Variants in HSF5 observed in about 807,000 individuals in gnomAD.
HSF5 encodes heat shock transcription factor 5.
In HSF5, 5 loss-of-function variants were observed where a neutral mutation model predicts 50.8. That is an observed-to-expected ratio of 0.10 (90% confidence interval 0.05 to 0.21). The LOEUF (loss-of-function observed/expected upper bound fraction) is 0.21, where lower values mean the gene tolerates loss of function less well. HSF5 is among the 10% of genes least tolerant of loss of function. HSF5 has a pLI of 1.00. For synonymous variants in HSF5, 307 were observed against 307.4 expected (o/e 1.00, Z 0.02); for missense variants, 564 against 762.6 (o/e 0.74, Z 3.07).
Position 58,487,975 on chromosome 17 carries a change from G to A in HSF5, c.300C>T (p.Gly100=), listed in dbSNP as rs1485424310. 2 of 1,610,988 alleles carry A rather than the reference G, an allele frequency of 1.2e-6. No homozygotes were observed. Among genetic ancestry groups the A allele is most frequent in the African/African-American group, 2.7e-5 (2 of 74,750 alleles). The change falls in exon 1 of 6, where the codon GGC becomes GGT. Residue 100 remains glycine, a synonymous_variant. Coordinates refer to ENST00000323777, the MANE Select transcript of HSF5 (RefSeq NM_001080439.3). The stretch of plus-strand genomic sequence containing the variant: ...GGAGCGGCCCATTGCCTGCCGGTTT[G>A]CCGCCCCCCGGCCCGCCCAGCACCA... ...RKVVLGGPGG[G]KPAGNGPLHH... is the part of the protein sequence containing the mutation.
At chr17:58,435,328 C>T (rs1974412995) in intron 5 of HSF5, among the ~76,000 whole-genome samples, 1 of 149,166 alleles carries the variant, frequency 6.7e-6, no homozygotes, top group South Asian at 2.2e-4. Context: ...GTGGGTAGAT[C>T]ACCTGAGGTC....
At position 58,487,989 on chromosome 17, in the gene HSF5, C is replaced by A; in HGVS notation, c.286G>T (p.Gly96Trp). 1 of 1,610,624 alleles carries A rather than the reference C, an allele frequency of 6.2e-7. No homozygotes were observed. The highest frequency in any genetic ancestry group is 1.1e-5 in the South Asian group (1 of 90,798). Residue 96 changes from glycine to tryptophan, a missense_variant, in exon 1 of 6, where the codon GGG becomes TGG. This residue lies in a region of HSF5 where 29 missense variants were observed against 24.7 expected (regional missense o/e 1.18). Transcript: ENST00000323777. Reference protein sequence around the residue: ...LYGFRKVVLGGPGGGKPAGNG... With the variant: ...LYGFRKVVLGWPGGGKPAGNG... ...CCTGCCGGTTTGCCGCCCCCCGGCC[C>A]GCCCAGCACCACCTTGCGGAAGCCG...
At chr17:58,441,857 T>C (rs892901877) in intron 5 of HSF5, among the ~76,000 whole-genome samples, 3 of 152,260 alleles carry the variant, frequency 2.0e-5, no homozygotes, top group Non-Finnish European at 2.9e-5. Context: ...ACAGCGACTG[T>C]TGTATGTTTC....
chr17:58,486,551 G>C (rs1483783913), intron 1 of HSF5, among the ~76,000 whole-genome samples: 3 of 152,166 alleles, frequency 2.0e-5, no homozygotes, highest in Non-Finnish European at 2.9e-5. Flanking sequence ...CTTGACAGCT[G>C]TAAAGAAAAC....
At chr17:58,464,595 C>T (rs1974836466) in intron 3 of HSF5, among the ~76,000 whole-genome samples, 1 of 152,140 alleles carries the variant, frequency 6.6e-6, no homozygotes, top group African/African-American at 2.4e-5. Flanking sequence ...GTGCTTATTG[C>T]TATTTTCCTA....
At chr17:58,483,398 T>C (rs1975126991) in intron 1 of HSF5, among the ~76,000 whole-genome samples, 1 of 152,198 alleles carries the variant, frequency 6.6e-6, no homozygotes, top group Admixed American at 6.5e-5. Flanking sequence ...CCCTTATTTA[T>C]TCTTCTGTTA....
chr17:58,453,139 A>C (rs1974663186), intron 5 of HSF5, among the ~76,000 whole-genome samples: 1 of 152,232 alleles, frequency 6.6e-6, no homozygotes, highest in Admixed American at 6.5e-5. Context: ...AGTTCTACTT[A>C]AACTATTCCA....
intron 4 of HSF5, among the ~76,000 whole-genome samples, chr17:58,462,127 C>A (rs182964024): frequency 2.6e-5 from 4 of 152,254 alleles, no homozygotes; most frequent in African/African-American, 9.6e-5. Flanking sequence ...AAAATGAGAA[C>A]GTGCTATTTG....
chr17:58,468,996 T>C (rs1486991559), intron 2 of HSF5, among the ~76,000 whole-genome samples: 1 of 152,034 alleles, frequency 6.6e-6, no homozygotes, highest in Non-Finnish European at 1.5e-5. Context: ...TTGAATTTGA[T>C]TTCCCAAAGT....
In HSF5 at chr17:58,458,895, C is replaced by A; in HGVS notation, c.1593G>T (p.Pro531=). The change falls in exon 5 of 6, where the codon CCG becomes CCT. Residue 531 remains proline, a synonymous_variant. Coordinates refer to ENST00000323777, the MANE Select transcript of HSF5 (RefSeq NM_001080439.3). ...CQTSSRENIL[P]SEQMGFLISE... Reference sequence around the variant, plus strand: ...AAATGAGGAATCCCATCTGTTCTGACGGCAAGATATTCTCACGTGAACTGG... The same window carrying A: ...AAATGAGGAATCCCATCTGTTCTGAAGGCAAGATATTCTCACGTGAACTGG... 6.2e-7 allele frequency: 1 copy of A among 1,614,088 alleles called. No homozygotes were observed. Among genetic ancestry groups the A allele is most frequent in the Non-Finnish European group, 8.5e-7 (1 of 1,179,998 alleles).
intron 5 of HSF5, among the ~76,000 whole-genome samples, chr17:58,447,561 G>C (rs1974576944): frequency 6.6e-6 from 1 of 152,118 alleles, no homozygotes; most frequent in Non-Finnish European, 1.5e-5. Context: ...GGAAAGAGAG[G>C]GAAGAGTGTA....
intron 5 of HSF5, among the ~76,000 whole-genome samples, chr17:58,451,901 G>GT (rs922112458): frequency 2.8e-5 from 4 of 140,686 alleles, no homozygotes; most frequent in African/African-American, 1.1e-4. Flanking sequence ...ACAAAGAGCT[G>GT]TTTTTTTGAA....
chr17:58,473,873 T>C (rs578065089), intron 2 of HSF5, among the ~76,000 whole-genome samples: 65 of 152,294 alleles, frequency 4.3e-4, no homozygotes, highest in African/African-American at 1.3e-3. Context: ...AACACAATTT[T>C]TTTTTTTTGA....
At chr17:58,445,941 G>C (rs1008041891) in intron 5 of HSF5, among the ~76,000 whole-genome samples, 1 of 152,036 alleles carries the variant, frequency 6.6e-6, no homozygotes, top group Non-Finnish European at 1.5e-5. Context: ...TTCGATACCA[G>C]CCTGCCCAAC....
chr17:58,437,575 A>G (rs950067904), intron 5 of HSF5, among the ~76,000 whole-genome samples: 3 of 152,318 alleles, frequency 2.0e-5, no homozygotes, highest in Non-Finnish European at 4.4e-5. Flanking sequence ...CTAGTGTTAT[A>G]TTTATCAGCT....
chr17:58,462,442 G>A (rs1028184311), intron 4 of HSF5, among the ~76,000 whole-genome samples: 10 of 152,156 alleles, frequency 6.6e-5, no homozygotes, highest in Admixed American at 2.0e-4. Context: ...AGAATTATCA[G>A]CCAGGCATAT....
At chr17:58,487,460 G>A (rs1975201084) in intron 1 of HSF5, among the ~76,000 whole-genome samples, 1 of 152,232 alleles carries the variant, frequency 6.6e-6, no homozygotes, top group African/African-American at 2.4e-5. Flanking sequence ...AAGAGGCGGA[G>A]GTCCCTTTTG....
At chr17:58,448,098 C>T (rs905697075) in intron 5 of HSF5, among the ~76,000 whole-genome samples, 1 of 133,674 alleles carries the variant, frequency 7.5e-6, no homozygotes, top group Non-Finnish European at 1.5e-5. Context: ...CAGGCCACTG[C>T]ACTCCAGCCT....
At chr17:58,422,903 C>T (rs913993107) in intron 5 of HSF5, among the ~76,000 whole-genome samples, 2 of 152,030 alleles carry the variant, frequency 1.3e-5, no homozygotes, top group Non-Finnish European at 2.9e-5. Context: ...AGCATGTTGG[C>T]CAGGCTGGTC....
Sources: gnomAD v4.1 joint callset for allele counts (sites outside exome capture counted in the v4.1 genomes callset) on GRCh38, gnomAD v4.1.1 for gene constraint, gnomAD v4.1.1 regional missense constraint, MANE v1.5 for transcripts, NCBI Gene and HGNC (gene_info 2026-07-23, HGNC 2026-07-21) for gene names.